The following SRP72 variants were observed in gnomAD, a reference collection of about 807,000 sequenced individuals.
SRP72 encodes signal recognition particle 72.
SRP72 carries 49 observed loss-of-function variants against 96.3 expected under a neutral mutation model. That is an observed-to-expected ratio of 0.51 (90% CI 0.40 to 0.65). The LOEUF (loss-of-function observed/expected upper bound fraction) is 0.65. Among genes scored for constraint, SRP72 ranks in the 30% least tolerant of loss-of-function variants. SRP72 has a pLI of 0.00. For missense variants in SRP72, 736 were observed against 793.3 expected, an observed-to-expected ratio of 0.93 and a Z score of 0.87; for synonymous variants, 267 against 275.2, an observed-to-expected ratio of 0.97 and a Z score of 0.30.
rs1037303884 is a variant in SRP72, at chr4:56,486,327, A to G, written c.1089A>G (p.Glu363=). 3 of 1,601,006 alleles carry G rather than the reference A, an allele frequency of 1.9e-6. No homozygotes were observed. Among genetic ancestry groups the G allele is most frequent in the Admixed American group, 1.7e-5 (1 of 59,118 alleles). The change falls in exon 11 of 19, where the codon GAA becomes GAG. Residue 363 remains glutamate (E), a splice_region_variant and synonymous_variant. Coordinates refer to ENST00000642900, the MANE Select transcript of SRP72 (RefSeq NM_006947.4). ...TCCCCCAAACTAAAAAAATTTAGGA[A>G]TTTTCAGATCAGCATCCAGAAAATG... ...QHTKAIELLQ[E]FSDQHPENAA...
intron 9 of SRP72, among the ~76,000 whole-genome samples, 158 bp downstream of exon 9, chr4:56,483,428 A>G (rs1720577828): frequency 1.3e-5 from 2 of 152,158 alleles, no homozygotes; most frequent in African/African-American, 2.4e-5. Flanking sequence ...TATATATATT[A>G]TTGGCTGGGC....
At chr4:56,473,410 A>T (rs1560675295) in intron 3 of SRP72, among the ~76,000 whole-genome samples, 3 of 151,198 alleles carry the variant, frequency 2.0e-5, no homozygotes, top group South Asian at 2.1e-4. Flanking sequence ...GTGAGCCGAG[A>T]TCGCGCCACT....
At chr4:56,484,690 T>G (rs746641071) in intron 9 of SRP72, 46 bp from the exon 10 acceptor site, 13 of 1,606,362 alleles carry the variant, frequency 8.1e-6, no homozygotes, top group Admixed American at 3.5e-5. Flanking sequence ...AGTGTTTAAT[T>G]TCATTAACCA....
At chr4:56,470,406 G>A (rs549716921) in intron 2 of SRP72, among the ~76,000 whole-genome samples, 2 of 152,274 alleles carry the variant, frequency 1.3e-5, no homozygotes, top group African/African-American at 4.8e-5. Context: ...TGGGTATGGT[G>A]GTGTGCACCT....
Position 56,470,049 on chromosome 4 carries a change from A to C in SRP72, c.230+276A>C, listed in dbSNP as rs185333661. Among the ~76,000 whole-genome samples the C allele has an allele frequency of 1.6e-3, 243 of 148,598 alleles. 1 individual carries two copies. The highest frequency in any genetic ancestry group is 2.9e-3 in the Admixed American group (42 of 14,348). Reference sequence around the variant, plus strand: ...GAACCATAGAGAGTTGTGGGGCATAATTATGAGTCGTTGGAGGATGTAGCA... The same window carrying C: ...GAACCATAGAGAGTTGTGGGGCATACTTATGAGTCGTTGGAGGATGTAGCA... On this transcript the variant is annotated intron_variant, in intron 2 of 18. Coordinates refer to ENST00000642900, the MANE Select transcript of SRP72 (RefSeq NM_006947.4).
At position 56,495,365 on chromosome 4, in the gene SRP72, A is replaced by G. The variant is rs781004291; in HGVS notation, c.1649A>G (p.Asp550Gly). Reference protein sequence around the residue: ...DSQPKEQGQGDLKKKKKKKKG... With the variant: ...DSQPKEQGQGGLKKKKKKKKG... The stretch of plus-strand genomic sequence containing the variant: ...TTTTTTTCTCTTTGTAGACAGGGAG[A>G]TTTGAAAAAGAAGAAAAAGAAAAAG... Residue 550 changes from aspartate (D) to glycine (G), a missense_variant, in exon 17 of 19, where the codon GAT becomes GGT. Asp to Gly is a moderately conservative substitution (Grantham distance 94). Coordinates refer to ENST00000642900, the MANE Select transcript of SRP72 (RefSeq NM_006947.4). 2 of 1,495,800 alleles carry G rather than the reference A, an allele frequency of 1.3e-6. No homozygotes were observed. Among genetic ancestry groups the G allele is most frequent in the Non-Finnish European group, 1.8e-6 (2 of 1,085,072 alleles). The allele number at this position is 1,495,800 out of a possible 1,614,324, so 92.7% of individuals were successfully genotyped here.
intron 5 of SRP72, 162 bp downstream of exon 5, chr4:56,474,553 T>A: frequency 1.5e-6 from 1 of 685,142 alleles, no homozygotes; most frequent in Non-Finnish European, 2.4e-6. Flanking sequence ...TTTTTTTTTT[T>A]TATGGAGTGG....
chr4:56,489,938 T>TA (rs1380869821), intron 13 of SRP72, among the ~76,000 whole-genome samples: 1 of 152,230 alleles, frequency 6.6e-6, no homozygotes, highest in Non-Finnish European at 1.5e-5. Flanking sequence ...AAATTATACA[T>TA]ACGCTGTGCA....
intron 17 of SRP72, among the ~76,000 whole-genome samples, chr4:56,499,599 A>C (rs891444660): frequency 1.3e-5 from 2 of 152,240 alleles, no homozygotes; most frequent in African/African-American, 4.8e-5. Context: ...TTATGTGGCC[A>C]AGAAACATGA....
intron 1 of SRP72, among the ~76,000 whole-genome samples, 162 bp downstream of exon 1, chr4:56,467,906 GCAGGTCT>G (rs1208403551): frequency 2.6e-5 from 4 of 152,128 alleles, no homozygotes; most frequent in Non-Finnish European, 5.9e-5. Context: ...CCCGGAAGAC[GCAGGTCT>G]CACTCCTCGG....
rs1014358602 is a variant in SRP72, at chr4:56,489,462, C to T, written c.1299C>T (p.Ile433=). ...DSAIEVFTQA[I]QWYQNHQPKS... ...CCATTGAGGTCTTCACACAAGCTATCCAGTGGTATCAAAACCATCAGGTAA... is the reference window on the plus strand; with the variant it reads ...CCATTGAGGTCTTCACACAAGCTATTCAGTGGTATCAAAACCATCAGGTAA... Residue 433 remains isoleucine, a synonymous_variant, in exon 13 of 19, where the codon ATC becomes ATT. Coordinates refer to ENST00000642900, the MANE Select transcript of SRP72 (RefSeq NM_006947.4). 1 of 1,590,276 alleles carries T rather than the reference C, an allele frequency of 6.3e-7. No individual in the cohort carries two copies. The highest frequency in any genetic ancestry group is 8.6e-7 in the Non-Finnish European group (1 of 1,163,098).
chr4:56,491,272 G>C (rs995718307), intron 15 of SRP72, among the ~76,000 whole-genome samples, 159 bp from the exon 16 acceptor site: 1 of 152,134 alleles, frequency 6.6e-6, no homozygotes, highest in Non-Finnish European at 1.5e-5. Flanking sequence ...GATATGACTT[G>C]TTATTGTATA....
intron 6 of SRP72, among the ~76,000 whole-genome samples, chr4:56,477,496 C>G (rs1309411080): frequency 6.6e-6 from 1 of 151,632 alleles, no homozygotes; most frequent in Non-Finnish European, 1.5e-5. Context: ...GCTGTGTTGA[C>G]AAGTTTGGCT....
chr4:56,471,712 T>C lies in SRP72; in HGVS notation c.231-8T>C. ...ATAATCAGATACTGTTTTTTTTTCC[T>C]TCTTCAGTAACTCTCTCTCCTTTGA... On this transcript the variant is annotated splice_polypyrimidine_tract_variant and splice_region_variant and intron_variant, in intron 2 of 18. Coordinates refer to ENST00000642900, the MANE Select transcript of SRP72 (RefSeq NM_006947.4). 6.2e-7 allele frequency: 1 copy of C among 1,610,966 alleles called. No homozygotes were observed. Among genetic ancestry groups the C allele is most frequent in the Non-Finnish European group, 8.5e-7 (1 of 1,178,916 alleles).
At chr4:56,477,551 C>T (rs1369944488) in intron 6 of SRP72, among the ~76,000 whole-genome samples, 1 of 152,092 alleles carries the variant, frequency 6.6e-6, no homozygotes, top group African/African-American at 2.4e-5. Context: ...CCTCAGCCTC[C>T]TAAAGCACTG....
chr4:56,489,388 G>T lies in SRP72; in HGVS notation c.1225G>T (p.Val409Leu), dbSNP rs1195105242. ...IEELKHKPGM[V>L]SALVTMYSHE... ...CTAATTTATACCTTTGGCTGTGTAG[G>T]TATCTGCATTAGTTACCATGTATAG... Residue 409 changes from valine to leucine, a missense_variant and splice_region_variant, in exon 13 of 19, where the codon GTA becomes TTA. Val to Leu is a conservative substitution (Grantham distance 32). Transcript: ENST00000642900. 9 of 1,569,878 alleles carry T rather than the reference G, an allele frequency of 5.7e-6. No individual in the cohort carries two copies. Among genetic ancestry groups the T allele is most frequent in the Non-Finnish European group, 7.8e-6 (9 of 1,148,956 alleles).
chr4:56,501,337 G>A (rs559065866), intron 18 of SRP72, among the ~76,000 whole-genome samples: 1 of 152,214 alleles, frequency 6.6e-6, no homozygotes, highest in African/African-American at 2.4e-5. Flanking sequence ...GAACCCAGAA[G>A]GATCACGTGA....
At chr4:56,475,155 T>C (rs985974086) in intron 5 of SRP72, among the ~76,000 whole-genome samples, 3 of 151,972 alleles carry the variant, frequency 2.0e-5, no homozygotes, top group Non-Finnish European at 2.9e-5. Flanking sequence ...TCTGTTTTAC[T>C]GTTAAATATT....
chr4:56,501,958 CT>C lies in SRP72; in HGVS notation c.*99del. 1 of 1,202,740 alleles carries C rather than the reference CT, an allele frequency of 8.3e-7. No individual in the cohort carries two copies. Among genetic ancestry groups the C allele is most frequent in the Non-Finnish European group, 1.2e-6 (1 of 832,630 alleles). The allele number at this position is 1,202,740 out of a possible 1,614,324, so 74.5% of individuals were successfully genotyped here. A position where few individuals can be genotyped will look rare whatever the true frequency, so the allele number is the denominator to read the frequency against. On this transcript the variant is annotated 3_prime_UTR_variant, in exon 19 of 19. Coordinates refer to ENST00000642900, the MANE Select transcript of SRP72 (RefSeq NM_006947.4). ...AGCAAGAAGCACAGAACTACTCCCT[CT>C]TCATCTCCATATTTTCATAATTTCT...
Sources: gnomAD v4.1 joint callset for allele counts (sites outside exome capture counted in the v4.1 genomes callset) on GRCh38, gnomAD v4.1.1 for gene constraint, MANE v1.5 for transcripts, NCBI Gene and HGNC (gene_info 2026-07-23, HGNC 2026-07-21) for gene names.